Variants in DSCAML1 observed in about 807,000 individuals in gnomAD.
DSCAML1 encodes DS cell adhesion molecule like 1.
A neutral mutation model predicts 200.5 loss-of-function variants in DSCAML1; 38 were observed. The observed-to-expected ratio is 0.19, with a 90% CI of 0.15 to 0.25. The LOEUF (loss-of-function observed/expected upper bound fraction) is 0.25. Ranked by LOEUF, DSCAML1 falls within the 10% of genes least tolerant of loss-of-function variation. The probability of loss-of-function intolerance (pLI) is 1.00; values close to 1 mark genes in which losing one functional copy is unlikely to be tolerated. For synonymous variants in DSCAML1, 1,215 were observed against 1,165.0 expected, an observed-to-expected ratio of 1.04 and a Z score of -0.87; for missense variants, 2,223 against 2,858.8, an observed-to-expected ratio of 0.78 and a Z score of 5.07.
intron 3 of DSCAML1, among the ~76,000 whole-genome samples, chr11:117,599,559 T>A (rs540379055): frequency 6.6e-6 from 1 of 152,296 alleles, no homozygotes; most frequent in East Asian, 1.9e-4. Context: ...CCCTCTCTGC[T>A]CAGCAGCACC....
At position 117,461,522 on chromosome 11, in the gene DSCAML1, G is replaced by C; in HGVS notation, c.3340C>G (p.Pro1114Ala). Reference protein sequence around the residue: ...SDVAVISWSEPPRSTLNGVLK... With the variant: ...SDVAVISWSEAPRSTLNGVLK... ...ACGCCATTGAGGGTGCTGCGCGGGG[G>C]CTCTGACCAGGAGATGACGGCCACG... The change falls in exon 18 of 33, where the codon CCC (proline) becomes GCC (alanine). Residue 1114 changes from proline to alanine, a missense_variant. Coordinates refer to ENST00000651296, the MANE Select transcript of DSCAML1 (RefSeq NM_020693.4). 1 of 1,614,200 alleles carries C rather than the reference G, an allele frequency of 6.2e-7. No homozygotes were observed. The highest frequency in any genetic ancestry group is 8.5e-7 in the Non-Finnish European group (1 of 1,180,036).
At position 117,526,768 on chromosome 11, in the gene DSCAML1, G is replaced by A. The variant is rs190137902; in HGVS notation, c.659-1685C>T. Among the ~76,000 whole-genome samples the A allele has an allele frequency of 9.4e-3, 1,437 of 152,118 alleles. 27 individuals carry two copies. The highest frequency in any genetic ancestry group is 0.033 in the African/African-American group (1,367 of 41,486). On this transcript the variant is annotated intron_variant, in intron 4 of 32. Coordinates refer to ENST00000651296, the MANE Select transcript of DSCAML1 (RefSeq NM_020693.4). ...CCTGACCTTGTGATCCACCCGCCTC[G>A]GCTTCCCAAAGTGCTGAGATTACAG...
chr11:117,668,954 T>TG (rs1196188629), intron 3 of DSCAML1: 11 of 152,000 alleles, frequency 7.2e-5, no homozygotes, highest in Non-Finnish European at 1.2e-4. Flanking sequence ...GTGGCAGTAG[T>TG]GGGGGAAACA....
chr11:117,708,760 G>T (rs1246444864), intron 3 of DSCAML1, among the ~76,000 whole-genome samples: 1 of 152,228 alleles, frequency 6.6e-6, no homozygotes, highest in Non-Finnish European at 1.5e-5. Flanking sequence ...ACACACAAGT[G>T]AAGCGATACC....
intron 3 of DSCAML1, among the ~76,000 whole-genome samples, chr11:117,542,653 C>T (rs918714494): frequency 2.0e-5 from 3 of 152,226 alleles, no homozygotes; most frequent in Non-Finnish European, 4.4e-5. Flanking sequence ...AAAAGCACCC[C>T]GAGGTGCATG....
At chr11:117,696,522 A>G (rs150057425) in intron 3 of DSCAML1, among the ~76,000 whole-genome samples, 1,852 of 152,304 alleles carry the variant, frequency 0.012, 16 homozygotes, top group Middle Eastern at 0.031. Context: ...CAGTTTGGTC[A>G]TTGGTTAATG....
intron 3 of DSCAML1, among the ~76,000 whole-genome samples, chr11:117,649,975 C>G (rs922956291): frequency 6.6e-6 from 1 of 152,220 alleles, no homozygotes; most frequent in East Asian, 1.9e-4. Flanking sequence ...CTTGGCTCAA[C>G]CTGTCCTCCC....
chr11:117,460,433 T>C (rs1285602896), intron 18 of DSCAML1, among the ~76,000 whole-genome samples: 1 of 151,984 alleles, frequency 6.6e-6, no homozygotes, highest in Non-Finnish European at 1.5e-5. Flanking sequence ...TCCAAGGTCC[T>C]CCAGGAAAGA....
At chr11:117,631,473 C>T (rs966246581) in intron 3 of DSCAML1, among the ~76,000 whole-genome samples, 1 of 152,210 alleles carries the variant, frequency 6.6e-6, no homozygotes, top group Non-Finnish European at 1.5e-5. Context: ...TTCTTAGTGT[C>T]CCCCTCCATG....
At chr11:117,761,531 G>A (rs2054802292) in intron 3 of DSCAML1, among the ~76,000 whole-genome samples, 1 of 152,184 alleles carries the variant, frequency 6.6e-6, no homozygotes, top group South Asian at 2.1e-4. Flanking sequence ...TGTGACCTTG[G>A]GCAAGTTACT....
At chr11:117,722,203 G>A (rs1469575294) in intron 3 of DSCAML1, among the ~76,000 whole-genome samples, 1 of 152,094 alleles carries the variant, frequency 6.6e-6, no homozygotes, top group African/African-American at 2.4e-5. Flanking sequence ...AAACTTGAGG[G>A]TGGAAGCCAG....
At chr11:117,792,247 TG>T (rs2055481283) in intron 1 of DSCAML1, among the ~76,000 whole-genome samples, 1 of 152,036 alleles carries the variant, frequency 6.6e-6, no homozygotes, top group Non-Finnish European at 1.5e-5. Context: ...TCTGGATCAG[TG>T]GATATGCAGA....
rs549137443 is a variant in DSCAML1 at position 117,599,692 on chromosome 11, T to G, written c.512-67170A>C. 1.1e-3 allele frequency among the ~76,000 whole-genome samples: 175 copies of G among 152,314 alleles called. 2 individuals are homozygous for G. Among genetic ancestry groups the G allele is most frequent in the African/African-American group, 3.9e-3 (164 of 41,570 alleles). On this transcript the variant is annotated intron_variant, in intron 3 of 32. Transcript: ENST00000651296. ...CATTAACATGGACTCCACTCCAGGA[T>G]TCAACTCAGTAAGGGCTGCAGGACC...
Position 117,505,114 on chromosome 11 carries a change from C to T in DSCAML1, c.2063-71G>A, listed in dbSNP as rs1349389570. 3 of 1,561,822 alleles carry T rather than the reference C, an allele frequency of 1.9e-6. No homozygotes were observed. The East Asian group carries it at 6.8e-5, about 35-fold the overall frequency. On this transcript the variant is annotated intron_variant, in intron 9 of 32. Transcript: ENST00000651296. This position sits in a 1 kb window ranked among gnomAD's most constrained non-coding sequence, Gnocchi z 6.7. ...ATGGGTCTCCTAGGGCTTCGAGCAC[C>T]TTCTGTTTGAGGTCAGCCCTGCCCG...
At chr11:117,667,084 T>A (rs1145219) in intron 3 of DSCAML1, among the ~76,000 whole-genome samples, 4 of 151,900 alleles carry the variant, frequency 2.6e-5, no homozygotes, top group African/African-American at 7.3e-5. Flanking sequence ...GCTGGCAGGC[T>A]CAGGTGGGAC....
At chr11:117,566,911 T>C (rs1251805392) in intron 3 of DSCAML1, among the ~76,000 whole-genome samples, 1 of 151,834 alleles carries the variant, frequency 6.6e-6, no homozygotes, top group Non-Finnish European at 1.5e-5. Context: ...CATGAACTCA[T>C]CATTTTTTAC....
intron 1 of DSCAML1, among the ~76,000 whole-genome samples, chr11:117,809,511 C>T (rs927894490): frequency 1.3e-5 from 2 of 152,212 alleles, no homozygotes; most frequent in Admixed American, 6.5e-5. Context: ...AGGATGGTGG[C>T]GCCGCAGGCT....
chr11:117,445,470 T>C (rs555053301), intron 20 of DSCAML1, among the ~76,000 whole-genome samples: 2 of 152,320 alleles, frequency 1.3e-5, no homozygotes, highest in South Asian at 4.1e-4. Flanking sequence ...TTCAACACCC[T>C]CCTGCCCTTC....
chr11:117,472,284 A>C (rs1410381826), intron 14 of DSCAML1, among the ~76,000 whole-genome samples: 1 of 152,178 alleles, frequency 6.6e-6, no homozygotes, highest in Non-Finnish European at 1.5e-5. Flanking sequence ...AACTTCAGGC[A>C]GAGGTCGGAC....
Sources: allele counts gnomAD v4.1 joint callset (sites outside exome capture counted in the v4.1 genomes callset), GRCh38; gene constraint gnomAD v4.1.1; non-coding constraint Gnocchi (gnomAD v3.1); transcripts MANE v1.5; gene names NCBI Gene and HGNC (gene_info 2026-07-23, HGNC 2026-07-21).